Variants in CSMD3 observed in about 807,000 individuals in gnomAD.
CSMD3 encodes the protein CUB and Sushi multiple domains 3, also known as CUB and sushi domain-containing protein 3.
Under a neutral mutation model 435.2 loss-of-function variants are expected in CSMD3, and 177 were observed. The ratio of observed to expected loss-of-function variants is 0.41; its 90% CI spans 0.36 to 0.46. The LOEUF (loss-of-function observed/expected upper bound fraction) is 0.46, where lower values mean the gene tolerates loss of function less well. CSMD3 is among the 20% of genes least tolerant of loss of function. The pLI is 0.34. For synonymous variants in CSMD3, 1,656 were observed against 1,520.5 expected (o/e 1.09, Z -2.07); for missense variants, 4,265 against 4,504.6 (o/e 0.95, Z 1.52).
intron 1 of CSMD3, among the ~76,000 whole-genome samples, chr8:113,356,981 A>G (rs2094234084): frequency 6.6e-6 from 1 of 152,184 alleles, no homozygotes; most frequent in Admixed American, 6.5e-5. Flanking sequence ...TATTATTAAT[A>G]AAATAGGCAA....
chr8:112,619,563 AG>A (rs540992580), intron 22 of CSMD3, among the ~76,000 whole-genome samples: 138 of 152,194 alleles, frequency 9.1e-4, no homozygotes, highest in African/African-American at 3.2e-3. Flanking sequence ...TAATCAAAAA[AG>A]AACTTGTACC....
chr8:112,233,659 C>T (rs889607906), intron 68 of CSMD3, among the ~76,000 whole-genome samples: 1 of 152,012 alleles, frequency 6.6e-6, no homozygotes, highest in African/African-American at 2.4e-5. Flanking sequence ...ATCTTCTTTC[C>T]CATTAAGTTT....
chr8:112,521,767 C>G (rs1824308734), intron 27 of CSMD3, among the ~76,000 whole-genome samples: 6 of 151,746 alleles, frequency 4.0e-5, no homozygotes, highest in Admixed American at 3.9e-4. Context: ...CCTTAACTTA[C>G]TATGTCCAAA....
intron 4 of CSMD3, among the ~76,000 whole-genome samples, chr8:113,167,680 G>T (rs1242880854): frequency 1.3e-5 from 2 of 152,204 alleles, no homozygotes; most frequent in Non-Finnish European, 2.9e-5. Context: ...TGACACTTGT[G>T]AAGTTTTCCT....
chr8:112,906,283 G>A (rs1309146237), intron 10 of CSMD3, among the ~76,000 whole-genome samples: 1 of 151,034 alleles, frequency 6.6e-6, no homozygotes. Flanking sequence ...GTATTCATGG[G>A]AGTTCACAAG....
At chr8:113,072,340 G>A (rs1374532025) in intron 5 of CSMD3, among the ~76,000 whole-genome samples, 2 of 151,698 alleles carry the variant, frequency 1.3e-5, no homozygotes, top group Non-Finnish European at 3.0e-5. Context: ...TGGGACAGGA[G>A]TAGTGCTAGT....
At chr8:113,110,732 T>C (rs1464472410) in intron 4 of CSMD3, among the ~76,000 whole-genome samples, 1 of 152,208 alleles carries the variant, frequency 6.6e-6, no homozygotes, top group East Asian at 1.9e-4. Context: ...CCAGCCTCTA[T>C]TTGTTACCTA....
chr8:112,753,522 C>G (rs2077621672), intron 13 of CSMD3, among the ~76,000 whole-genome samples: 1 of 152,152 alleles, frequency 6.6e-6, no homozygotes, highest in Non-Finnish European at 1.5e-5. Context: ...GAAGAGAAGG[C>G]CTCATTGTAA....
intron 13 of CSMD3, among the ~76,000 whole-genome samples, chr8:112,721,872 A>G (rs940523972): frequency 2.0e-5 from 3 of 152,176 alleles, no homozygotes; most frequent in Admixed American, 2.0e-4. Context: ...TACATTTCTC[A>G]GTATTAAACA....
At chr8:113,158,945 G>C (rs1042711326) in intron 4 of CSMD3, among the ~76,000 whole-genome samples, 1 of 151,786 alleles carries the variant, frequency 6.6e-6, no homozygotes, top group Non-Finnish European at 1.5e-5. Context: ...AACCTAGAAG[G>C]GTTTTCTAAA....
At chr8:113,092,216 T>A (rs979548604) in intron 5 of CSMD3, among the ~76,000 whole-genome samples, 1 of 152,088 alleles carries the variant, frequency 6.6e-6, no homozygotes, top group Non-Finnish European at 1.5e-5. Flanking sequence ...TTATTGTATT[T>A]TTTTCCTCCT....
chr8:112,345,687 C>T (rs572925634), intron 41 of CSMD3, among the ~76,000 whole-genome samples: 25 of 152,086 alleles, frequency 1.6e-4, no homozygotes, highest in Admixed American at 5.2e-4. Context: ...CAACATATTG[C>T]GCTCTTGAAA....
chr8:112,337,753 A>T (rs2130967997), intron 42 of CSMD3, 22 bp from the exon 43 acceptor site: 1 of 1,594,050 alleles, frequency 6.3e-7, no homozygotes, highest in Non-Finnish European at 8.6e-7. Context: ...AAAAAGAAAG[A>T]CATTTTTTCT....
chr8:112,885,254 G>A (rs563717640), intron 10 of CSMD3, among the ~76,000 whole-genome samples: 25 of 151,406 alleles, frequency 1.7e-4, no homozygotes, highest in African/African-American at 5.8e-4. Flanking sequence ...GAGATGCCAA[G>A]TAGCAGAATG....
intron 2 of CSMD3, among the ~76,000 whole-genome samples, chr8:113,301,985 T>C (rs1218446674): frequency 2.6e-5 from 4 of 151,516 alleles, no homozygotes; most frequent in Non-Finnish European, 5.9e-5. Flanking sequence ...TTAATTTATA[T>C]TTAGTAAAAT....
rs2082913379 is a variant in CSMD3 at position 112,926,405 on chromosome 8, A to C, written c.1509-4654T>G. ...CCTACCCAGCCAAATAAAACTTTCC[A>C]CTTTAATAAGTTATTCATTCTGATA... On this transcript the variant is annotated intron_variant, in intron 9 of 70. Coordinates refer to ENST00000297405, the MANE Select transcript of CSMD3 (RefSeq NM_198123.2). 2.0e-5 allele frequency among the ~76,000 whole-genome samples: 3 copies of C among 152,094 alleles called. No homozygotes were observed. The South Asian group carries it at 6.2e-4, about 31-fold the overall frequency.
At chr8:113,326,681 T>C (rs995098290) in intron 1 of CSMD3, among the ~76,000 whole-genome samples, 1 of 152,116 alleles carries the variant, frequency 6.6e-6, no homozygotes, top group African/African-American at 2.4e-5. Flanking sequence ...TAATACAAAT[T>C]ATCTGCTACT....
At chr8:112,294,536 G>A (rs945417579) in intron 54 of CSMD3, among the ~76,000 whole-genome samples, 1 of 152,070 alleles carries the variant, frequency 6.6e-6, no homozygotes, top group South Asian at 2.1e-4. Flanking sequence ...AAATACTTAC[G>A]GGGATTCTGA....
intron 59 of CSMD3, among the ~76,000 whole-genome samples, chr8:112,265,916 C>A (rs1252334894): frequency 6.6e-6 from 1 of 152,046 alleles, no homozygotes; most frequent in Non-Finnish European, 1.5e-5. Context: ...AAACAATCTG[C>A]AGAATCAGAT....
Sources: allele counts gnomAD v4.1 joint callset (sites outside exome capture counted in the v4.1 genomes callset), GRCh38; gene constraint gnomAD v4.1.1; transcripts MANE v1.5; gene names NCBI Gene and HGNC (gene_info 2026-07-23, HGNC 2026-07-21).